Variants in GLYATL1 observed in about 807,000 individuals in gnomAD.
GLYATL1 encodes glycine N-acyltransferase-like protein 1.
GLYATL1 carries 15 observed loss-of-function variants against 20.0 expected under a neutral mutation model. The ratio of observed to expected loss-of-function variants is 0.75; its 90% CI spans 0.50 to 1.15. The LOEUF (loss-of-function observed/expected upper bound fraction) is 1.15, where lower values mean the gene tolerates loss of function less well. Ranked by LOEUF, GLYATL1 falls within the 50% of genes most tolerant of loss-of-function variation. The pLI, the probability that GLYATL1 is intolerant of heterozygous loss-of-function variation, is 0.00. For synonymous variants in GLYATL1, 151 were observed against 131.5 expected, an observed-to-expected ratio of 1.15 and a Z score of -1.01; for missense variants, 380 against 368.5, an observed-to-expected ratio of 1.03 and a Z score of -0.26.
chr11:58,955,947 G>C lies in GLYATL1; in HGVS notation c.829G>C (p.Val277Leu). ...AGAAAATGAAGACTCCCGCAGATTT[G>C]TGGGGCAGTTTGGTTTCTTTGAGGC... ...LEENEDSRRF[V>L]GQFGFFEASC... Residue 277 changes from valine (V) to leucine (L), a missense_variant, in exon 7 of 7, where the codon GTG becomes CTG. Val to Leu is a conservative substitution (Grantham distance 32). Coordinates refer to ENST00000532726, the MANE Select transcript of GLYATL1 (RefSeq NM_001389712.2). 6.2e-7 allele frequency: 1 copy of C among 1,614,216 alleles called. No individual in the cohort carries two copies. The highest frequency in any genetic ancestry group is 8.5e-7 in the Non-Finnish European group (1 of 1,180,022).
chr11:58,907,672 A>G (rs887385840), exon 2 of GLYATL1: 2 of 196,598 alleles, frequency 1.0e-5, no homozygotes, highest in East Asian at 1.2e-4. Context: ...CGTTTTAAAT[A>G]CTTCCTGATT....
At chr11:58,907,583 T>C (rs1854932258) in exon 2 of GLYATL1, 1 of 346,096 alleles carries the variant, frequency 2.9e-6, no homozygotes, top group Non-Finnish European at 5.7e-6. Flanking sequence ...TCCTGACTAC[T>C]AGTTCTATCA....
intron 1 of GLYATL1, among the ~76,000 whole-genome samples, chr11:58,931,143 G>A (rs950280535): frequency 6.6e-6 from 1 of 152,232 alleles, no homozygotes; most frequent in Non-Finnish European, 1.5e-5. Context: ...GTTGGAACCT[G>A]TTGGTGCTGT....
intron 4 of GLYATL1, among the ~76,000 whole-genome samples, chr11:58,949,133 T>A (rs1856792758): frequency 6.6e-6 from 1 of 152,194 alleles, no homozygotes; most frequent in Admixed American, 6.5e-5. Context: ...CCTAGGTGTA[T>A]TTTTTTCCTA....
intron 1 of GLYATL1, among the ~76,000 whole-genome samples, chr11:58,921,625 G>A (rs1273774098): frequency 2.0e-5 from 3 of 152,102 alleles, no homozygotes; most frequent in Non-Finnish European, 2.9e-5. Context: ...GCCGGCTCTC[G>A]AATCCCTTTC....
At chr11:58,909,143 A>T (rs1190918356), downstream of GLYATL1, among the ~76,000 whole-genome samples, 18 of 152,226 alleles carry the variant, frequency 1.2e-4, no homozygotes, top group Non-Finnish European at 1.5e-5. Context: ...TTCAGACTTA[A>T]GAAATTAAAG....
chr11:58,918,477 A>T (rs866069221), intron 1 of GLYATL1, among the ~76,000 whole-genome samples: 1 of 152,172 alleles, frequency 6.6e-6, no homozygotes, highest in Admixed American at 6.5e-5. Context: ...TAAAGTCTTA[A>T]CTACTGTGTT....
chr11:58,907,325 T>C (rs539903919), exon 2 of GLYATL1: 2 of 456,338 alleles, frequency 4.4e-6, no homozygotes, highest in African/African-American at 2.0e-5. Context: ...TCCAATTGTC[T>C]TTGTCTTGCT....
At chr11:58,916,181 T>TA (rs1855167114) in intron 1 of GLYATL1, among the ~76,000 whole-genome samples, 1 of 152,248 alleles carries the variant, frequency 6.6e-6, no homozygotes, top group Non-Finnish European at 1.5e-5. Flanking sequence ...TACTGCCTCC[T>TA]GTACTGCCAC....
intron 4 of GLYATL1, among the ~76,000 whole-genome samples, chr11:58,952,035 G>A (rs191267291): frequency 0.01 from 886 of 86,202 alleles, 11 homozygotes; most frequent in South Asian, 0.049. Flanking sequence ...TGCAACCTAA[G>A]GAAACAATTC....
At chr11:58,922,213 T>C (rs987417012) in intron 1 of GLYATL1, among the ~76,000 whole-genome samples, 10 of 152,198 alleles carry the variant, frequency 6.6e-5, no homozygotes, top group African/African-American at 2.4e-4. Context: ...TGGGTTACTC[T>C]CTGGCGCTCC....
chr11:58,947,033 C>A lies in GLYATL1; in HGVS notation c.-42-13C>A, dbSNP rs188134197. 3.7e-4 allele frequency: 590 copies of A among 1,598,336 alleles called. 2 individuals carry two copies. The African/African-American group carries it at 7.0e-3, about 19-fold the overall frequency. On this transcript the variant is annotated splice_polypyrimidine_tract_variant and intron_variant, in intron 2 of 6. Transcript: ENST00000532726. ...TTTCCTTAACATTTTCCCTTCATTT[C>A]TTATCTTTTCAGAGTTTCTTCTTCA...
At chr11:58,942,887 A>C (rs542283608) in intron 1 of GLYATL1, among the ~76,000 whole-genome samples, 2 of 152,312 alleles carry the variant, frequency 1.3e-5, no homozygotes, top group Admixed American at 6.5e-5. Flanking sequence ...AGTTAAAGAA[A>C]AAACAAGAGA....
chr11:58,953,084 G>C (rs1044736651), intron 4 of GLYATL1, among the ~76,000 whole-genome samples: 2 of 152,136 alleles, frequency 1.3e-5, no homozygotes, highest in African/African-American at 2.4e-5. Context: ...TATTTTTATG[G>C]AATACTACAC....
chr11:58,947,704 G>C, intron 3 of GLYATL1, 154 bp from the exon 4 acceptor site: 1 of 612,926 alleles, frequency 1.6e-6, no homozygotes, highest in Non-Finnish European at 2.9e-6. Flanking sequence ...ACGTCCATCA[G>C]TATGGTCCTC....
exon 2 of GLYATL1, chr11:58,907,740 A>C (rs1247149314): frequency 4.9e-6 from 1 of 204,860 alleles, no homozygotes; most frequent in Non-Finnish European, 1.0e-5. Context: ...AAATTTTTAC[A>C]TTCCTATCAA....
intron 1 of GLYATL1, among the ~76,000 whole-genome samples, chr11:58,915,276 C>A (rs1855144810): frequency 1.3e-5 from 2 of 152,206 alleles, no homozygotes; most frequent in Admixed American, 1.3e-4. Flanking sequence ...TCTAGACAGT[C>A]TCCTCCTGGT....
At position 58,943,586 on chromosome 11, in the gene GLYATL1, C is replaced by T. The variant is rs375138920; in HGVS notation, c.-123C>T. On this transcript the variant is annotated 5_prime_UTR_variant, in exon 2 of 7. Coordinates refer to ENST00000532726, the MANE Select transcript of GLYATL1 (RefSeq NM_001389712.2). Reference sequence around the variant, plus strand: ...TCTGAAGTGGAGCTTCTAGTATCCCCAGGAGCGCGAAGTGAACACGGAAGG... The same window carrying T: ...TCTGAAGTGGAGCTTCTAGTATCCCTAGGAGCGCGAAGTGAACACGGAAGG... The T allele has an allele frequency of 1.1e-4, 172 of 1,613,476 alleles. No homozygotes were observed. Among genetic ancestry groups the T allele is most frequent in the Non-Finnish European group, 1.4e-4 (161 of 1,179,662 alleles).
rs1462415104 is a variant in GLYATL1 at position 58,955,254 on chromosome 11, TC to T, written c.394del (p.Leu132SerfsTer8). 1.2e-6 allele frequency: 2 copies of T among 1,613,992 alleles called. No homozygotes were observed. Among genetic ancestry groups the T allele is most frequent in the African/African-American group, 2.7e-5 (2 of 74,936 alleles). ...KSVKVEHSRA[L>X]LLVTEDILKL... ...GTGAAAGTAGAGCATTCGAGAGCAC[TC>T]CTCTTGGTTACGGAAGATATTCTGA... On this transcript the variant is annotated frameshift_variant, in exon 6 of 7. Transcript: ENST00000532726. LOFTEE classifies it high-confidence loss of function.
Sources: gnomAD v4.1 joint callset for allele counts (sites outside exome capture counted in the v4.1 genomes callset) on GRCh38, gnomAD v4.1.1 for gene constraint, MANE v1.5 for transcripts, NCBI Gene and HGNC (gene_info 2026-07-23, HGNC 2026-07-21) for gene names.